TTC29: variants seen among roughly 807,000 people sequenced by gnomAD.
TTC29 encodes tetratricopeptide repeat domain 29, also known as tetratricopeptide repeat protein 29.
Under a neutral mutation model 58.1 loss-of-function variants are expected in TTC29, and 49 were observed. The observed-to-expected ratio is 0.84, with a 90% CI of 0.67 to 1.07. TTC29 has a LOEUF of 1.07. Ranked by LOEUF, TTC29 falls within the 50% of genes least tolerant of loss-of-function variation. TTC29 has a pLI of 0.00. For synonymous variants in TTC29, 209 were observed against 196.8 expected, an observed-to-expected ratio of 1.06 and a Z score of -0.52; for missense variants, 582 against 555.6, an observed-to-expected ratio of 1.05 and a Z score of -0.48.
chr4:146,776,761 A>G (rs576758483), intron 11 of TTC29, among the ~76,000 whole-genome samples: 2 of 152,302 alleles, frequency 1.3e-5, no homozygotes, highest in Admixed American at 6.5e-5. Flanking sequence ...AGCAGGGTGC[A>G]TACACATTGG....
At chr4:146,863,524 C>T (rs1730378818) in intron 8 of TTC29, among the ~76,000 whole-genome samples, 3 of 152,196 alleles carry the variant, frequency 2.0e-5, no homozygotes, top group Non-Finnish European at 4.4e-5. Flanking sequence ...CTTTTAATCA[C>T]CCTATGTAGC....
intron 8 of TTC29, among the ~76,000 whole-genome samples, chr4:146,836,440 A>C (rs1168026845): frequency 6.6e-6 from 1 of 152,198 alleles, no homozygotes; most frequent in East Asian, 1.9e-4. Flanking sequence ...ACACCCTCTG[A>C]TCCTCAGGAA....
At chr4:146,819,598 CT>C (rs919154871) in intron 10 of TTC29, among the ~76,000 whole-genome samples, 4 of 152,100 alleles carry the variant, frequency 2.6e-5, no homozygotes, top group African/African-American at 9.7e-5. Context: ...TTATTTTGGA[CT>C]TTTTTGTTCT....
chr4:146,834,093 T>G (rs1638821656), intron 8 of TTC29, among the ~76,000 whole-genome samples, 196 bp from the exon 9 acceptor site: 1 of 152,220 alleles, frequency 6.6e-6, no homozygotes, highest in Admixed American at 6.5e-5. Flanking sequence ...CTTTAAGCCA[T>G]GACAGTGACG....
intron 2 of TTC29, chr4:146,944,111 C>T (rs912788779): frequency 2.0e-5 from 3 of 152,230 alleles, no homozygotes; most frequent in Admixed American, 6.5e-5. Flanking sequence ...TTGGCTGCTA[C>T]CAAATGAGCT....
At chr4:146,942,991 G>C (rs1017403185) in intron 2 of TTC29, 1 of 176,830 alleles carries the variant, frequency 5.7e-6, no homozygotes, top group African/African-American at 2.3e-5. Flanking sequence ...AGCTCATCCA[G>C]GTGCGTATAA....
intron 11 of TTC29, among the ~76,000 whole-genome samples, chr4:146,773,119 G>C (rs541506380): frequency 6.6e-6 from 1 of 152,152 alleles, no homozygotes; most frequent in South Asian, 2.1e-4. Flanking sequence ...GGAGCTTTTG[G>C]GCAGAGACTA....
intron 11 of TTC29, among the ~76,000 whole-genome samples, chr4:146,774,276 G>T (rs1747935626): frequency 6.6e-6 from 1 of 151,906 alleles, no homozygotes; most frequent in African/African-American, 2.4e-5. Flanking sequence ...CTAGCTTTGG[G>T]GTTGGTTTGT....
intron 11 of TTC29, among the ~76,000 whole-genome samples, chr4:146,716,112 C>G (rs919107635): frequency 6.6e-6 from 1 of 151,958 alleles, no homozygotes; most frequent in Non-Finnish European, 1.5e-5. Flanking sequence ...AATAAGAAAG[C>G]CTGTCTCTAA....
chr4:146,889,129 C>T (rs1732185529), intron 6 of TTC29, among the ~76,000 whole-genome samples: 1 of 152,026 alleles, frequency 6.6e-6, no homozygotes, highest in Non-Finnish European at 1.5e-5. Context: ...TATTTTTATT[C>T]AATATTTGTG....
At chr4:146,832,019 C>T (rs1728197608) in intron 9 of TTC29, among the ~76,000 whole-genome samples, 1 of 152,162 alleles carries the variant, frequency 6.6e-6, no homozygotes, top group African/African-American at 2.4e-5. Flanking sequence ...ATCTCAGCCT[C>T]CCAAGTAACT....
Position 146,889,857 on chromosome 4 carries a change from T to A in TTC29, c.586+13687A>T, listed in dbSNP as rs191072739. On this transcript the variant is annotated intron_variant, in intron 6 of 12. Coordinates refer to ENST00000325106, the MANE Select transcript of TTC29 (RefSeq NM_031956.4). ...TAAAAAGTAAAAACTCTAGAAAAAA[T>A]TTTTATATGAGATATTAGTTTTTGA... Among the ~76,000 whole-genome samples the A allele has an allele frequency of 4.0e-3, 606 of 152,176 alleles. 6 individuals are homozygous for A. Among genetic ancestry groups the A allele is most frequent in the African/African-American group, 0.014 (561 of 41,546 alleles).
At chr4:146,800,899 A>G (rs1750169598) in intron 11 of TTC29, among the ~76,000 whole-genome samples, 1 of 152,218 alleles carries the variant, frequency 6.6e-6, no homozygotes, top group African/African-American at 2.4e-5. Flanking sequence ...GAATATGCCA[A>G]ATGAAAAGCG....
intron 9 of TTC29, 93 bp from the exon 10 acceptor site, chr4:146,820,341 C>T: frequency 7.3e-7 from 1 of 1,365,090 alleles, no homozygotes; most frequent in Non-Finnish European, 9.9e-7. Flanking sequence ...GTAGAAAATG[C>T]AAGATGGTTA....
intron 6 of TTC29, among the ~76,000 whole-genome samples, chr4:146,900,155 C>T (rs1179912071): frequency 1.3e-5 from 2 of 152,174 alleles, no homozygotes; most frequent in South Asian, 4.1e-4. Flanking sequence ...TCACTAGGTA[C>T]ATCAAACACT....
intron 8 of TTC29, among the ~76,000 whole-genome samples, chr4:146,836,482 T>C (rs762960011): frequency 2.6e-5 from 4 of 152,006 alleles, no homozygotes; most frequent in South Asian, 4.1e-4. Context: ...GGAGTGCATA[T>C]AGGTGAAATC....
At chr4:146,844,480 T>A (rs1729040824) in intron 8 of TTC29, among the ~76,000 whole-genome samples, 1 of 152,188 alleles carries the variant, frequency 6.6e-6, no homozygotes, top group East Asian at 1.9e-4. Flanking sequence ...CCAATCACAG[T>A]GTGAGTTATA....
At position 146,874,826 on chromosome 4, in the gene TTC29, C is replaced by T. The variant is rs780606940; in HGVS notation, c.689G>A (p.Cys230Tyr). The change falls in exon 7 of 13, where the codon TGT becomes TAT. Residue 230 changes from cysteine to tyrosine, a missense_variant. Coordinates refer to ENST00000325106, the MANE Select transcript of TTC29 (RefSeq NM_031956.4). ...ETGRSLNLLA[C>Y]ESLLRTYRLL... ...TCTGTAAGTCCTCAGGAGACTCTCACAGGCCAACAAGTTGAGAGAGCGGCC... is the reference window on the plus strand; with the variant it reads ...TCTGTAAGTCCTCAGGAGACTCTCATAGGCCAACAAGTTGAGAGAGCGGCC... 1 of 1,613,222 alleles carries T rather than the reference C, an allele frequency of 6.2e-7. No homozygotes were observed. The highest frequency in any genetic ancestry group is 1.1e-5 in the South Asian group (1 of 91,010).
chr4:146,856,826 T>C (rs971622947), intron 8 of TTC29, among the ~76,000 whole-genome samples: 5 of 151,654 alleles, frequency 3.3e-5, no homozygotes, highest in Non-Finnish European at 5.9e-5. Context: ...CTGTGATCTT[T>C]ACTACAGAAA....
Sources: gnomAD v4.1 joint callset for allele counts (sites outside exome capture counted in the v4.1 genomes callset) on GRCh38, gnomAD v4.1.1 for gene constraint, MANE v1.5 for transcripts, NCBI Gene and HGNC (gene_info 2026-07-23, HGNC 2026-07-21) for gene names.